The following SIRT1 variants were observed in gnomAD, a reference collection of about 807,000 sequenced individuals.
SIRT1 encodes sirtuin 1.
A neutral mutation model predicts 67.9 loss-of-function variants in SIRT1; 24 were observed. The ratio of observed to expected loss-of-function variants is 0.35; its 90% confidence interval spans 0.26 to 0.50. The LOEUF (loss-of-function observed/expected upper bound fraction) is 0.50. SIRT1 is among the 20% of genes least tolerant of loss of function. The probability of loss-of-function intolerance (pLI) is 0.98; values close to 1 mark genes in which losing one functional copy is unlikely to be tolerated. For missense variants in SIRT1, 873 were observed against 937.2 expected (o/e 0.93, Z 0.89); for synonymous variants, 378 against 350.7 (o/e 1.08, Z -0.87).
intron 4 of SIRT1, among the ~76,000 whole-genome samples, chr10:67,903,641 C>T (rs995301467): frequency 6.6e-5 from 10 of 152,172 alleles, no homozygotes; most frequent in African/African-American, 2.2e-4. Context: ...CCGACCTCGG[C>T]CACCCAAAGT....
chr10:67,914,003 G>C (rs1162092654), intron 8 of SIRT1, among the ~76,000 whole-genome samples: 1 of 150,870 alleles, frequency 6.6e-6, no homozygotes, highest in Non-Finnish European at 1.5e-5. Flanking sequence ...TATAGGTGCT[G>C]CTGAAGAACA....
chr10:67,885,848 C>T (rs1409487059), intron 1 of SIRT1, among the ~76,000 whole-genome samples: 1 of 149,762 alleles, frequency 6.7e-6, no homozygotes, highest in East Asian at 2.0e-4. Flanking sequence ...GCTAAACATG[C>T]TTTTTTTGTA....
chr10:67,903,109 A>G (rs891465132), intron 4 of SIRT1, among the ~76,000 whole-genome samples: 3 of 152,098 alleles, frequency 2.0e-5, no homozygotes, highest in East Asian at 1.9e-4. Context: ...GTGGGTGTGA[A>G]TTTTGTTATG....
At position 67,916,359 on chromosome 10, in the gene SIRT1, T is replaced by C. The variant is rs749243993; in HGVS notation, c.2010T>C (p.Ser670=). The change falls in exon 9 of 9, where the codon TCT becomes TCC. Residue 670 remains serine (S), a synonymous_variant. Transcript: ENST00000212015. ...DSEDDVLSSS[S]CGSNSDSGTC... The stretch of plus-strand genomic sequence containing the variant: ...AAGATGACGTCTTATCCTCTAGTTC[T>C]TGTGGCAGTAACAGTGATAGTGGGA... The C allele has an allele frequency of 3.7e-6, 6 of 1,614,232 alleles. No individual in the cohort carries two copies. The South Asian group carries it at 4.4e-5, about 12-fold the overall frequency.
At chr10:67,914,820 G>A (rs1262283762) in intron 8 of SIRT1, among the ~76,000 whole-genome samples, 5 of 151,068 alleles carry the variant, frequency 3.3e-5, no homozygotes, top group Admixed American at 1.3e-4. Context: ...CGATTCTCCT[G>A]CCTCACTCTC....
At chr10:67,906,557 C>T (rs780358409) in intron 4 of SIRT1, among the ~76,000 whole-genome samples, 14 of 151,930 alleles carry the variant, frequency 9.2e-5, no homozygotes, top group Non-Finnish European at 1.9e-4. Context: ...GTTTATGGGC[C>T]GACTTTGTCT....
chr10:67,912,702 C>T lies in SIRT1; in HGVS notation c.1586C>T (p.Pro529Leu). 5 of 1,614,068 alleles carry T rather than the reference C, an allele frequency of 3.1e-6. No homozygotes were observed. The highest frequency in any genetic ancestry group is 4.2e-6 in the Non-Finnish European group (5 of 1,180,020). Residue 529 changes from proline (P) to leucine (L), a missense_variant, in exon 8 of 9, where the codon CCC becomes CTC. Transcript: ENST00000212015. ...KELAYLSELP[P>L]TPLHVSEDSS... Reference sequence around the variant, plus strand: ...TTGGCTTATTTGTCAGAGTTGCCACCCACACCTCTTCATGTTTCAGAAGAC... The same window carrying T: ...TTGGCTTATTTGTCAGAGTTGCCACTCACACCTCTTCATGTTTCAGAAGAC...
At chr10:67,898,249 ACT>A (rs1424304058) in intron 4 of SIRT1, among the ~76,000 whole-genome samples, 2 of 142,900 alleles carry the variant, frequency 1.4e-5, no homozygotes, top group East Asian at 4.0e-4. Context: ...AGAGAGTGAG[ACT>A]CTGTCTCAAA....
intron 3 of SIRT1, among the ~76,000 whole-genome samples, chr10:67,890,003 A>G (rs1842544113): frequency 6.6e-6 from 1 of 150,746 alleles, no homozygotes; most frequent in African/African-American, 2.4e-5. Flanking sequence ...TTTTGGATAC[A>G]GGGTCTTGCT....
chr10:67,895,734 TTTTTTTTTTTTTTG>T (rs1178726426), intron 4 of SIRT1, among the ~76,000 whole-genome samples: 5 of 45,182 alleles, frequency 1.1e-4, no homozygotes, highest in South Asian at 6.6e-4. Context: ...AATTAACTTG[TTTTTTTTTTTTTTG>T]TTTTTTTTTT....
chr10:67,895,549 T>G (rs570417997), intron 4 of SIRT1, among the ~76,000 whole-genome samples: 1 of 152,172 alleles, frequency 6.6e-6, no homozygotes, highest in East Asian at 1.9e-4. Flanking sequence ...AGGCAGAAAG[T>G]TCACTAAAGT....
chr10:67,898,148 A>G (rs1418050480), intron 4 of SIRT1, among the ~76,000 whole-genome samples: 1 of 150,716 alleles, frequency 6.6e-6, no homozygotes, highest in East Asian at 2.0e-4. Context: ...AATCCCAGCT[A>G]CTCAGGAGGC....
chr10:67,911,924 C>A (rs1842906714), intron 7 of SIRT1, among the ~76,000 whole-genome samples: 1 of 151,872 alleles, frequency 6.6e-6, no homozygotes, highest in African/African-American at 2.4e-5. Flanking sequence ...TACCACACGC[C>A]CGGCTAATTT....
chr10:67,884,710 G>A lies in SIRT1; in HGVS notation c.-12G>A, dbSNP rs1453008932. ...GGAGGCGAGGGAGGAGGGCCAGAGA[G>A]GCAGTTGGAAGATGGCGGACGAGGC... On this transcript the variant is annotated 5_prime_UTR_variant, in exon 1 of 9. Coordinates refer to ENST00000212015, the MANE Select transcript of SIRT1 (RefSeq NM_012238.5). 3.3e-6 allele frequency: 4 copies of A among 1,228,904 alleles called. No individual in the cohort carries two copies. The highest frequency in any genetic ancestry group is 1.6e-5 in the African/African-American group (1 of 64,226). 76.1% of individuals were successfully genotyped at this position (1,228,904 alleles called of 1,614,324 possible).
intron 8 of SIRT1, among the ~76,000 whole-genome samples, chr10:67,914,976 T>C (rs930857849): frequency 4.6e-5 from 7 of 151,990 alleles, no homozygotes; most frequent in African/African-American, 1.7e-4. Context: ...TCTGCCAGCC[T>C]TGGCCTCCCA....
intron 4 of SIRT1, among the ~76,000 whole-genome samples, chr10:67,893,293 C>T (rs1024404011): frequency 3.7e-4 from 56 of 152,172 alleles, no homozygotes; most frequent in African/African-American, 1.3e-3. Flanking sequence ...GCTTTTCCAC[C>T]CCTTGCCCCC....
At chr10:67,894,650 G>GA (rs970633412) in intron 4 of SIRT1, among the ~76,000 whole-genome samples, 1 of 151,650 alleles carries the variant, frequency 6.6e-6, no homozygotes, top group African/African-American at 2.4e-5. Flanking sequence ...TTGTTAAACT[G>GA]AAAAAAAATT....
intron 4 of SIRT1, among the ~76,000 whole-genome samples, chr10:67,893,402 G>GTTTTCTGTTCT (rs1564885079): frequency 6.6e-6 from 1 of 152,134 alleles, no homozygotes; most frequent in African/African-American, 2.4e-5. Context: ...GTGGTGTTTG[G>GTTTTCTGTTCT]TTTTCTGTTC....
intron 4 of SIRT1, among the ~76,000 whole-genome samples, chr10:67,893,277 C>T (rs935287037): frequency 1.3e-5 from 2 of 152,104 alleles, no homozygotes; most frequent in Non-Finnish European, 2.9e-5. Context: ...AGGTATTTGT[C>T]CTAATGCTTT....
Sources: allele counts gnomAD v4.1 joint callset (sites outside exome capture counted in the v4.1 genomes callset), GRCh38; gene constraint gnomAD v4.1.1; transcripts MANE v1.5; gene names NCBI Gene and HGNC (gene_info 2026-07-23, HGNC 2026-07-21).